Variants in SFMBT1 observed in about 807,000 individuals in gnomAD.
SFMBT1 encodes scm-like with four MBT domains protein 1.
Under a neutral mutation model 108.7 loss-of-function variants are expected in SFMBT1, and 32 were observed. That is an observed-to-expected ratio of 0.29 (90% CI 0.22 to 0.40). The LOEUF (loss-of-function observed/expected upper bound fraction) is 0.40, where lower values mean the gene tolerates loss of function less well. Among genes scored for constraint, SFMBT1 ranks in the 10% least tolerant of loss-of-function variants. The pLI is 1.00. For synonymous variants in SFMBT1, 348 were observed against 369.5 expected (o/e 0.94, Z 0.67); for missense variants, 816 against 1,059.6 (o/e 0.77, Z 3.19).
At position 52,907,246 on chromosome 3, in the gene SFMBT1, T is replaced by G; in HGVS notation, c.2154A>C (p.Thr718=). The G allele has an allele frequency of 6.2e-7, 1 of 1,614,134 alleles. No individual in the cohort carries two copies. The highest frequency in any genetic ancestry group is 8.5e-7 in the Non-Finnish European group (1 of 1,180,024). Residue 718 remains threonine (T), a synonymous_variant, in exon 19 of 21, where the codon ACA becomes ACC. Transcript: ENST00000394752. ...GDDDSLSEGS[T]SEQQDELQEE... ...CCTGTAGCTCATCCTGCTGCTCGGA[T>G]GTACTGCCTTCACTTAGGGAATCAT...
intron 1 of SFMBT1, among the ~76,000 whole-genome samples, chr3:53,036,226 G>A (rs575162970): frequency 1.5e-4 from 23 of 152,338 alleles, no homozygotes; most frequent in Admixed American, 7.8e-4. Context: ...TGGGAGGAGA[G>A]GGAAGCAGAG....
chr3:52,966,113 C>T (rs1036821992), intron 2 of SFMBT1, among the ~76,000 whole-genome samples: 1 of 143,126 alleles, frequency 7.0e-6, no homozygotes, highest in Non-Finnish European at 1.5e-5. Flanking sequence ...GTCAGGAAAT[C>T]GAGACCATCC....
chr3:52,925,093 C>T (rs747020253), intron 10 of SFMBT1, among the ~76,000 whole-genome samples: 111 of 151,980 alleles, frequency 7.3e-4, no homozygotes, highest in Non-Finnish European at 2.8e-4. Flanking sequence ...TGCTGGTGGG[C>T]GCCTGTAATC....
intron 3 of SFMBT1, among the ~76,000 whole-genome samples, chr3:52,945,136 T>TAAAAAAAAAAACA (rs1553636665): frequency 1.6e-4 from 8 of 48,510 alleles, no homozygotes; most frequent in African/African-American, 5.3e-4. Flanking sequence ...ACCTTCCAAT[T>TAAAAAAAAAAACA]AAAAAAAAAA....
chr3:52,972,628 C>A (rs1704381616), intron 1 of SFMBT1, among the ~76,000 whole-genome samples: 1 of 151,994 alleles, frequency 6.6e-6, no homozygotes, highest in Admixed American at 6.6e-5. Context: ...TCATTTAAGG[C>A]CTGGTGAGGT....
At chr3:52,993,210 A>G (rs570863290) in intron 1 of SFMBT1, among the ~76,000 whole-genome samples, 54 of 133,862 alleles carry the variant, frequency 4.0e-4, no homozygotes, top group African/African-American at 1.3e-3. Flanking sequence ...AAATCCCTAT[A>G]AAAAACATGT....
chr3:52,976,080 A>G (rs925862705), intron 1 of SFMBT1, among the ~76,000 whole-genome samples: 5 of 152,202 alleles, frequency 3.3e-5, no homozygotes, highest in African/African-American at 1.2e-4. Context: ...ACATTTTTGT[A>G]AAACATGACA....
rs1231219494 is a variant in SFMBT1 at position 52,904,965 on chromosome 3, C to A, written c.*171G>T. On this transcript the variant is annotated 3_prime_UTR_variant, in exon 21 of 21. Transcript: ENST00000394752. ...CACCAGCAGGTGATCCACTTCTGTG[C>A]ACAGTTTTTGCTTCCTCACTGTGAG... 3 of 717,114 alleles carry A rather than the reference C, an allele frequency of 4.2e-6. No homozygotes were observed. The highest frequency in any genetic ancestry group is 6.5e-6 in the Non-Finnish European group (3 of 463,848). The allele number at this position is 717,114 out of a possible 1,614,324, so 44.4% of individuals were successfully genotyped here.
At chr3:53,008,559 C>A (rs1183984044) in intron 1 of SFMBT1, among the ~76,000 whole-genome samples, 3 of 151,880 alleles carry the variant, frequency 2.0e-5, no homozygotes, top group African/African-American at 7.3e-5. Context: ...AAAAGAAAAA[C>A]CAGGCTTTCC....
At chr3:52,920,331 C>A (rs1006863430) in intron 12 of SFMBT1, among the ~76,000 whole-genome samples, 1 of 152,180 alleles carries the variant, frequency 6.6e-6, no homozygotes, top group Non-Finnish European at 1.5e-5. Flanking sequence ...CAGATCCAGA[C>A]GACCCACCTA....
At chr3:53,024,872 TTA>T (rs1227970009) in intron 1 of SFMBT1, among the ~76,000 whole-genome samples, 1 of 152,222 alleles carries the variant, frequency 6.6e-6, no homozygotes, top group African/African-American at 2.4e-5. Flanking sequence ...ATTATATTGT[TTA>T]TGTTTTGATA....
chr3:52,941,693 T>C (rs1295911842), intron 4 of SFMBT1, among the ~76,000 whole-genome samples: 1 of 151,446 alleles, frequency 6.6e-6, no homozygotes, highest in Non-Finnish European at 1.5e-5. Flanking sequence ...GACCAGCAGT[T>C]TGAGACTGGC....
chr3:52,916,052 C>T (rs1038304300), intron 14 of SFMBT1, 98 bp downstream of exon 14: 7 of 974,060 alleles, frequency 7.2e-6, no homozygotes, highest in Non-Finnish European at 1.1e-5. Flanking sequence ...TATGAAGACA[C>T]ATACTATACA....
chr3:53,039,807 G>A (rs1451196600), intron 1 of SFMBT1, among the ~76,000 whole-genome samples: 1 of 152,094 alleles, frequency 6.6e-6, no homozygotes, highest in South Asian at 2.1e-4. Flanking sequence ...GCTAATTTTG[G>A]TATACTTTTT....
chr3:52,952,991 A>G (rs1231753759), intron 3 of SFMBT1, among the ~76,000 whole-genome samples: 1 of 152,258 alleles, frequency 6.6e-6, no homozygotes, highest in East Asian at 1.9e-4. Context: ...ACCAGAAAGC[A>G]GCTACACACC....
At chr3:52,948,652 G>A (rs916616602) in intron 3 of SFMBT1, among the ~76,000 whole-genome samples, 9 of 139,436 alleles carry the variant, frequency 6.5e-5, no homozygotes, top group East Asian at 4.1e-4. Context: ...TATTATTATT[G>A]TTATTATTAT....
At chr3:52,984,649 T>C (rs1704838618) in intron 1 of SFMBT1, among the ~76,000 whole-genome samples, 1 of 151,418 alleles carries the variant, frequency 6.6e-6, no homozygotes, top group South Asian at 2.1e-4. Flanking sequence ...TCTTTAAAAA[T>C]TCATACTATA....
In SFMBT1 at chr3:52,964,527, A is replaced by T. The variant is rs575581081; in HGVS notation, c.28+4574T>A. On this transcript the variant is annotated intron_variant, in intron 2 of 20. Transcript: ENST00000394752. ...AGATTTTGTCTCTAAAAAATAGAAA[A>T]TAATTTTAAATGTGTATTTTCTAGC... Among the ~76,000 whole-genome samples, 65 of 152,334 alleles carry T rather than the reference A, an allele frequency of 4.3e-4. 1 individual carries two copies. The South Asian group carries it at 0.013, about 31-fold the overall frequency.
intron 4 of SFMBT1, among the ~76,000 whole-genome samples, chr3:52,937,429 T>C (rs1245041034): frequency 1.3e-5 from 2 of 152,206 alleles, no homozygotes; most frequent in African/African-American, 4.8e-5. Context: ...TTTCTAAACA[T>C]TTAATTTTGC....
Sources: gnomAD v4.1 joint callset for allele counts (sites outside exome capture counted in the v4.1 genomes callset) on GRCh38, gnomAD v4.1.1 for gene constraint, MANE v1.5 for transcripts, NCBI Gene and HGNC (gene_info 2026-07-23, HGNC 2026-07-21) for gene names.